The following PFDN6 variants were observed in gnomAD, a reference collection of about 807,000 sequenced individuals.
The protein encoded by PFDN6 is prefoldin subunit 6.
Under a neutral mutation model 19.3 loss-of-function variants are expected in PFDN6, and 5 were observed. The ratio of observed to expected loss-of-function variants is 0.26; its 90% CI spans 0.14 to 0.55. The LOEUF is 0.55. Ranked by LOEUF, PFDN6 falls within the 20% of genes least tolerant of loss-of-function variation. The pLI is 0.94. For synonymous variants in PFDN6, 51 were observed against 63.4 expected, an observed-to-expected ratio of 0.80 and a Z score of 0.93; for missense variants, 101 against 149.4, an observed-to-expected ratio of 0.68 and a Z score of 1.69.
chr6:33,290,371 G>T lies in PFDN6; in HGVS notation c.181G>T (p.Gly61Cys). 6.2e-7 allele frequency: 1 copy of T among 1,608,892 alleles called. No homozygotes were observed. The highest frequency in any genetic ancestry group is 8.5e-7 in the Non-Finnish European group (1 of 1,176,932). The stretch of plus-strand genomic sequence containing the variant: ...GTCCAACGTGGTCTTTAAACTTCTG[G>T]GTCCGGTGCTAGTCAAACAGGAGCT... ...DGSNVVFKLLGPVLVKQELGE... is the reference protein window; with the variant it reads ...DGSNVVFKLLCPVLVKQELGE... Residue 61 changes from glycine to cysteine, a missense_variant, in exon 3 of 4, where the codon GGT becomes TGT. Physicochemically the swap from Gly to Cys is radical, Grantham distance 159. Coordinates refer to ENST00000374606, the MANE Select transcript of PFDN6 (RefSeq NM_001185181.3).
At chr6:33,290,265 G>A in intron 2 of PFDN6, 21 bp downstream of exon 2, 1 of 1,614,124 alleles carries the variant, frequency 6.2e-7, no homozygotes, top group Non-Finnish European at 8.5e-7. Flanking sequence ...GGGATTTGTG[G>A]GGCGAGGAGG....
chr6:33,290,054 G>A lies in PFDN6; in HGVS notation c.65-120G>A, dbSNP rs188706814. On this transcript the variant is annotated intron_variant, in intron 1 of 3. Transcript: ENST00000374606. ...CGCCTCAGTCTCAGTACTCTTCCCT[G>A]TTCACTCACCCGCTGCCCCCATCCT... 3.4e-5 allele frequency: 45 copies of A among 1,313,470 alleles called. No individual in the cohort carries two copies. The Admixed American group carries it at 5.4e-4, about 16-fold the overall frequency. The allele number at this position is 1,313,470 out of a possible 1,614,324, so 81.4% of individuals were successfully genotyped here. A position where few individuals can be genotyped will look rare whatever the true frequency, so the allele number is the denominator to read the frequency against.
upstream of PFDN6, chr6:33,289,357 T>C: frequency 7.4e-7 from 1 of 1,342,430 alleles, no homozygotes; most frequent in Non-Finnish European, 9.5e-7. Flanking sequence ...TGGCACCTTA[T>C]CGCGAGCGGC....
intron 3 of PFDN6, 82 bp from the exon 4 acceptor site, chr6:33,290,634 A>C: frequency 5.2e-6 from 8 of 1,540,462 alleles, no homozygotes; most frequent in Admixed American, 1.8e-5. Context: ...TTTTCCACCT[A>C]TCTCTTTCTT....
rs1031204148 is a variant in PFDN6 at position 33,290,909 on chromosome 6, G to C, written c.*64G>C. 4 of 1,447,910 alleles carry C rather than the reference G, an allele frequency of 2.8e-6. No individual in the cohort carries two copies. Among genetic ancestry groups the C allele is most frequent in the Non-Finnish European group, 3.7e-6 (4 of 1,075,862 alleles). 89.7% of individuals were successfully genotyped at this position (1,447,910 alleles called of 1,614,324 possible). On this transcript the variant is annotated 3_prime_UTR_variant, in exon 4 of 4. Transcript: ENST00000374606. ...AGGCAGCTCTAGGATCTATACTGTA[G>C]CTAATAAAATGTAAAAACACCTGGC...
In PFDN6 at chr6:33,289,698, C is replaced by T; in HGVS notation, c.-159C>T. On this transcript the variant is annotated 5_prime_UTR_variant, in exon 1 of 4. Transcript: ENST00000374606. ...CCATCTCCTGGGGACAGGGTGGAGTCGATATCCGGGACGGGGGGGAGGTTG... is the reference window on the plus strand; with the variant it reads ...CCATCTCCTGGGGACAGGGTGGAGTTGATATCCGGGACGGGGGGGAGGTTG... 1.6e-6 allele frequency: 1 copy of T among 606,774 alleles called. No homozygotes were observed. The highest frequency in any genetic ancestry group is 2.7e-6 in the Non-Finnish European group (1 of 369,778). 37.6% of individuals were successfully genotyped at this position (606,774 alleles called of 1,614,324 possible).
intron 1 of PFDN6, 98 bp downstream of exon 1, chr6:33,290,018 A>T: frequency 7.6e-7 from 1 of 1,318,422 alleles, no homozygotes; most frequent in Non-Finnish European, 1.1e-6. Flanking sequence ...CCTCGCGTGC[A>T]GAGACTTCCC....
Position 33,290,854 on chromosome 6 carries a change from T to TG in PFDN6, c.*15dup. ...CTCCTGGCAAGGCCTGACCCCATGG[T>TG]GGGGGGAGGGGAGGGGAGGGGAGGG... On this transcript the variant is annotated 3_prime_UTR_variant, in exon 4 of 4. Transcript: ENST00000374606. 7.3e-7 allele frequency: 1 copy of TG among 1,370,782 alleles called. No homozygotes were observed. The highest frequency in any genetic ancestry group is 1.0e-6 in the Non-Finnish European group (1 of 994,236). 84.9% of individuals were successfully genotyped at this position (1,370,782 alleles called of 1,614,324 possible). A position where few individuals can be genotyped will look rare whatever the true frequency, so the allele number is the denominator to read the frequency against.
intron 3 of PFDN6, 81 bp from the exon 4 acceptor site, chr6:33,290,631 CCTAT>C: frequency 1.9e-6 from 3 of 1,538,672 alleles, no homozygotes; most frequent in Non-Finnish European, 1.8e-6. Context: ...AAGTTTTCCA[CCTAT>C]CTCTTTCTTG....
At position 33,290,872 on chromosome 6, in the gene PFDN6, G is replaced by A. The variant is rs1289525287; in HGVS notation, c.*27G>A. 2.5e-6 allele frequency: 4 copies of A among 1,574,896 alleles called. No individual in the cohort carries two copies. In the South Asian group the frequency reaches 4.5e-5, roughly 18 times the overall value. On this transcript the variant is annotated 3_prime_UTR_variant, in exon 4 of 4. Coordinates refer to ENST00000374606, the MANE Select transcript of PFDN6 (RefSeq NM_001185181.3). The stretch of plus-strand genomic sequence containing the variant: ...CCCATGGTGGGGGGAGGGGAGGGGA[G>A]GGGAGGGAATGAGGCAGCTCTAGGA...
At chr6:33,289,254 T>G (rs1767054845), upstream of PFDN6, 2 of 1,539,928 alleles carry the variant, frequency 1.3e-6, no homozygotes, top group Non-Finnish European at 1.7e-6. Flanking sequence ...AAGCCCTCTG[T>G]CCTTCATCCA....
chr6:33,290,035 A>C, intron 1 of PFDN6, 115 bp downstream of exon 1: 2 of 1,278,158 alleles, frequency 1.6e-6, no homozygotes, highest in Non-Finnish European at 2.2e-6. Context: ...TCCCCGCCTC[A>C]GTCTCAGTAC....
At position 33,289,839 on chromosome 6, in the gene PFDN6, T is replaced by C; in HGVS notation, c.-18T>C. 4 of 1,580,834 alleles carry C rather than the reference T, an allele frequency of 2.5e-6. No individual in the cohort carries two copies. The highest frequency in any genetic ancestry group is 3.4e-6 in the Non-Finnish European group (4 of 1,165,334). ...CCCAGCGCCCTTGTCTCGCACCCAGTAGGCTTTCATCCCCGCCATGGCGGA... is the reference window on the plus strand; with the variant it reads ...CCCAGCGCCCTTGTCTCGCACCCAGCAGGCTTTCATCCCCGCCATGGCGGA... On this transcript the variant is annotated 5_prime_UTR_variant, in exon 1 of 4. Coordinates refer to ENST00000374606, the MANE Select transcript of PFDN6 (RefSeq NM_001185181.3).
chr6:33,289,596 G>T, upstream of PFDN6: 2 of 649,620 alleles, frequency 3.1e-6, no homozygotes, highest in Non-Finnish European at 2.3e-6. Flanking sequence ...TTTACTTCCG[G>T]GTTTATTACT....
chr6:33,290,440 A>T lies in PFDN6; in HGVS notation c.250A>T (p.Thr84Ser). ...ATVGKRLDYI[T>S]AEIKRYESQL... ...AGTAGGGAAGAGGCTGGACTATATC[A>T]CAGCTGAAATGTGAGTTTTTATTCC... is the stretch of plus-strand genomic sequence containing the variant. Residue 84 changes from threonine (T) to serine (S), a missense_variant, in exon 3 of 4, where the codon ACA becomes TCA. Physicochemically the swap from Thr to Ser is moderately conservative, Grantham distance 58. Transcript: ENST00000374606. The T allele has an allele frequency of 6.4e-7, 1 of 1,555,418 alleles. No individual in the cohort carries two copies. Among genetic ancestry groups the T allele is most frequent in the Non-Finnish European group, 8.7e-7 (1 of 1,152,178 alleles).
At chr6:33,290,011 C>A in intron 1 of PFDN6, 91 bp downstream of exon 1, 1 of 1,353,922 alleles carries the variant, frequency 7.4e-7, no homozygotes, top group Non-Finnish European at 1.0e-6. Flanking sequence ...TCTGGGCCCT[C>A]GCGTGCAGAG....
In PFDN6 at chr6:33,289,945, C is replaced by G. The variant is rs997067924; in HGVS notation, c.64+25C>G. On this transcript the variant is annotated intron_variant, in intron 1 of 3. Coordinates refer to ENST00000374606, the MANE Select transcript of PFDN6 (RefSeq NM_001185181.3). ...GGTAAGGGAACAGGGTCGGTATGGT[C>G]TCGCCCAATGCACTTACAACCCAAA... 6 of 1,581,480 alleles carry G rather than the reference C, an allele frequency of 3.8e-6. No homozygotes were observed. In the African/African-American group the frequency reaches 5.4e-5, roughly 14 times the overall value.
upstream of PFDN6, chr6:33,289,354 T>G: frequency 7.5e-7 from 1 of 1,341,106 alleles, no homozygotes; most frequent in East Asian, 2.8e-5. Flanking sequence ...TTTTGGCACC[T>G]TATCGCGAGC....
At chr6:33,289,537 C>T, upstream of PFDN6, 1 of 1,002,492 alleles carries the variant, frequency 1.0e-6, no homozygotes, top group Non-Finnish European at 1.3e-6. Flanking sequence ...CACTTCCCAT[C>T]AAGGGTCAGA....
Sources: allele counts gnomAD v4.1 joint callset, GRCh38; gene constraint gnomAD v4.1.1; transcripts MANE v1.5; gene names NCBI Gene and HGNC (gene_info 2026-07-23, HGNC 2026-07-21).